Variants in ARHGEF33 observed in about 807,000 individuals in gnomAD.
ARHGEF33 encodes DH and coiled-coil domain-containing protein ENSP00000381780.
A neutral mutation model predicts 101.9 loss-of-function variants in ARHGEF33; 72 were observed. The observed-to-expected ratio is 0.71, with a 90% confidence interval of 0.58 to 0.86. ARHGEF33 has a LOEUF of 0.86. ARHGEF33 is among the 40% of genes least tolerant of loss of function. The pLI is 0.00. For missense variants in ARHGEF33, 1,169 were observed against 1,111.3 expected, an observed-to-expected ratio of 1.05 and a Z score of -0.74; for synonymous variants, 499 against 442.5, an observed-to-expected ratio of 1.13 and a Z score of -1.60.
intron 16 of ARHGEF33, among the ~76,000 whole-genome samples, chr2:38,965,311 C>G (rs541442076): frequency 6.6e-6 from 1 of 152,272 alleles, no homozygotes; most frequent in Non-Finnish European, 1.5e-5. Context: ...TATACATGCA[C>G]TTCTATTTAG....
At position 38,960,573 on chromosome 2, in the gene ARHGEF33, C is replaced by G; in HGVS notation, c.2268C>G (p.Ala756=). The G allele has an allele frequency of 7.7e-7, 1 of 1,291,516 alleles. No homozygotes were observed. Among genetic ancestry groups the G allele is most frequent in the South Asian group, 1.7e-5 (1 of 57,792 alleles). 80.0% of individuals were successfully genotyped at this position (1,291,516 alleles called of 1,614,324 possible). The change falls in exon 16 of 18, where the codon GCC becomes GCG. Residue 756 remains alanine (A), a synonymous_variant. Coordinates refer to ENST00000409978, the MANE Select transcript of ARHGEF33 (RefSeq NM_001145451.5). ...AHGPAAAAVA[A]RGASRTFFPQ... is the part of the protein sequence containing the mutation. The stretch of plus-strand genomic sequence containing the variant: ...GCCCGGCCGCCGCCGCCGTCGCCGC[C>G]CGCGGCGCATCCAGGACCTTCTTCC...
intron 17 of ARHGEF33, among the ~76,000 whole-genome samples, chr2:38,966,842 G>T (rs1179884462): frequency 2.6e-5 from 4 of 152,198 alleles, no homozygotes; most frequent in African/African-American, 9.6e-5. Flanking sequence ...AAAATGTAAG[G>T]AAGAGAGAGG....
At chr2:38,894,507 C>T (rs1666078669) in intron 1 of ARHGEF33, among the ~76,000 whole-genome samples, 1 of 151,542 alleles carries the variant, frequency 6.6e-6, no homozygotes, top group African/African-American at 2.4e-5. Flanking sequence ...AACAAACAAA[C>T]AAGCCCACAA....
At chr2:38,912,286 G>A (rs996063814) in intron 2 of ARHGEF33, among the ~76,000 whole-genome samples, 4 of 152,180 alleles carry the variant, frequency 2.6e-5, no homozygotes, top group Non-Finnish European at 4.4e-5. Context: ...GGCAGGCAGT[G>A]ATTCAAGGGC....
At chr2:38,928,381 A>G (rs1023610870) in intron 4 of ARHGEF33, among the ~76,000 whole-genome samples, 4 of 152,140 alleles carry the variant, frequency 2.6e-5, no homozygotes, top group African/African-American at 9.7e-5. Flanking sequence ...CCATGATATC[A>G]TCCAAGAGTA....
intron 10 of ARHGEF33, among the ~76,000 whole-genome samples, chr2:38,948,579 G>C (rs1667510541): frequency 6.6e-6 from 1 of 151,950 alleles, no homozygotes; most frequent in African/African-American, 2.4e-5. Flanking sequence ...AGAGAGGAAG[G>C]GAGGAAGAAA....
At chr2:38,957,858 C>A in intron 14 of ARHGEF33, 176 bp from the exon 15 acceptor site, 1 of 699,870 alleles carries the variant, frequency 1.4e-6, no homozygotes, top group Non-Finnish European at 2.3e-6. Context: ...CTTCCCTAGT[C>A]CTGCCAGCTT....
chr2:38,931,135 C>G lies in ARHGEF33; in HGVS notation c.389C>G (p.Ser130Ter), dbSNP rs1481284939. ...AKKTQKEEHSSQAGPAQAQGS... is the reference protein window; with the variant it reads ...AKKTQKEEHS ...AAAACTCAAAAAGAAGAGCACAGCT[C>G]ACAGGCCGGGCCTGCCCAAGCACAA... Residue 130 changes from serine (S) to a stop codon, truncating the protein, a stop_gained, in exon 7 of 18, where the codon TCA becomes TGA. Transcript: ENST00000409978. LOFTEE classifies it high-confidence loss of function. The G allele has an allele frequency of 6.4e-7, 1 of 1,550,470 alleles. No homozygotes were observed. Among genetic ancestry groups the G allele is most frequent in the East Asian group, 2.4e-5 (1 of 40,894 alleles).
At chr2:38,896,062 T>C (rs1343235315) in intron 2 of ARHGEF33, among the ~76,000 whole-genome samples, 1 of 152,236 alleles carries the variant, frequency 6.6e-6, no homozygotes, top group Non-Finnish European at 1.5e-5. Flanking sequence ...CTAAACCAGC[T>C]ATGTTACATC....
At chr2:38,895,185 G>A (rs769778014) in intron 1 of ARHGEF33, among the ~76,000 whole-genome samples, 3 of 152,178 alleles carry the variant, frequency 2.0e-5, no homozygotes, top group Non-Finnish European at 4.4e-5. Flanking sequence ...TACAGGTCAG[G>A]AAACCGAAGT....
At chr2:38,914,811 G>C (rs1035107737) in intron 2 of ARHGEF33, among the ~76,000 whole-genome samples, 1 of 151,880 alleles carries the variant, frequency 6.6e-6, no homozygotes, top group African/African-American at 2.4e-5. Context: ...TGTATATTCT[G>C]TATATGATTG....
intron 7 of ARHGEF33, among the ~76,000 whole-genome samples, chr2:38,934,921 C>A (rs1026999426): frequency 6.6e-6 from 1 of 151,620 alleles, no homozygotes; most frequent in Non-Finnish European, 1.5e-5. Flanking sequence ...CTTATGGGTA[C>A]TGAGGGGAAG....
Position 38,937,344 on chromosome 2 carries a change from C to T in ARHGEF33, c.575C>T (p.Pro192Leu). 4 of 1,037,556 alleles carry T rather than the reference C, an allele frequency of 3.9e-6. No homozygotes were observed. Among genetic ancestry groups the T allele is most frequent in the Non-Finnish European group, 5.4e-6 (4 of 745,464 alleles). The allele number at this position is 1,037,556 out of a possible 1,614,324, so 64.3% of individuals were successfully genotyped here. ...VKGMMGPGVN[P>L]TTPEAEENLK... is the part of the protein sequence containing the mutation. The stretch of plus-strand genomic sequence containing the variant: ...CCCCCCACCCCACCAGGAGTGAACC[C>T]AACAACTCCAGAAGCAGAAGAAAAC... Residue 192 changes from proline (P) to leucine (L), a missense_variant, in exon 9 of 18, where the codon CCA (proline) becomes CTA (leucine). Physicochemically the swap from Pro to Leu is moderately conservative, Grantham distance 98 (BLOSUM62 -3). Coordinates refer to ENST00000409978, the MANE Select transcript of ARHGEF33 (RefSeq NM_001145451.5).
chr2:38,945,101 A>G (rs1232683240), intron 10 of ARHGEF33, among the ~76,000 whole-genome samples: 1 of 152,210 alleles, frequency 6.6e-6, no homozygotes, highest in African/African-American at 2.4e-5. Context: ...GAAAAGGCCA[A>G]TCCAAAAGAA....
chr2:38,946,434 T>C (rs909395685), intron 10 of ARHGEF33, among the ~76,000 whole-genome samples: 3 of 152,166 alleles, frequency 2.0e-5, no homozygotes, highest in Non-Finnish European at 4.4e-5. Flanking sequence ...ACTAACCTTC[T>C]TTTTTCTTTG....
chr2:38,905,542 G>A (rs1336504655), intron 2 of ARHGEF33, among the ~76,000 whole-genome samples: 2 of 152,174 alleles, frequency 1.3e-5, no homozygotes, highest in African/African-American at 4.8e-5. Context: ...AGAGTGCCTG[G>A]CTTTCCTAAG....
At chr2:38,940,983 A>G (rs1326242856) in intron 9 of ARHGEF33, among the ~76,000 whole-genome samples, 2 of 152,186 alleles carry the variant, frequency 1.3e-5, no homozygotes, top group East Asian at 1.9e-4. Context: ...CCAGAAATGC[A>G]AAAGTCTGGA....
At chr2:38,956,810 C>G in intron 13 of ARHGEF33, 89 bp from the exon 14 acceptor site, 1 of 1,428,212 alleles carries the variant, frequency 7.0e-7, no homozygotes, top group Admixed American at 2.1e-5. Flanking sequence ...CTATGAATCT[C>G]CCACAATAGA....
intron 10 of ARHGEF33, among the ~76,000 whole-genome samples, chr2:38,944,269 G>T (rs1314903070): frequency 1.3e-5 from 2 of 152,202 alleles, no homozygotes; most frequent in African/African-American, 4.8e-5. Flanking sequence ...GGAGACTGGG[G>T]AGTCTAAGAT....
Sources: gnomAD v4.1 joint callset for allele counts (sites outside exome capture counted in the v4.1 genomes callset) on GRCh38, gnomAD v4.1.1 for gene constraint, MANE v1.5 for transcripts, NCBI Gene and HGNC (gene_info 2026-07-23, HGNC 2026-07-21) for gene names.